The following ATP11C variants were observed in gnomAD, a reference collection of about 807,000 sequenced individuals.
ATP11C encodes ATPase phospholipid transporting 11C (ATP11C blood group).
In ATP11C, 36 loss-of-function variants were observed where a neutral mutation model predicts 97.4. The observed-to-expected ratio is 0.37, with a 90% CI of 0.28 to 0.49. ATP11C has a LOEUF of 0.49. Among genes scored for constraint, ATP11C ranks in the 20% least tolerant of loss-of-function variants. The probability of loss-of-function intolerance (pLI) is 0.98; values close to 1 mark genes in which losing one functional copy is unlikely to be tolerated. For missense variants in ATP11C, 730 were observed against 824.6 expected, an observed-to-expected ratio of 0.89 and a Z score of 1.40; for synonymous variants, 275 against 290.9, an observed-to-expected ratio of 0.95 and a Z score of 0.56.
chrX:139,896,619 G>GTCTCTCTCTC (rs202000678), intron 1 of ATP11C, among the ~76,000 whole-genome samples: 20 of 90,899 alleles, frequency 2.2e-4, no homozygotes, highest in East Asian at 3.6e-4. Context: ...TTGAGAAAGA[G>GTCTCTCTCTC]TCTCTCTCTC....
intron 1 of ATP11C, among the ~76,000 whole-genome samples, chrX:139,843,825 A>G (rs2083869123): frequency 9.3e-6 from 1 of 107,671 alleles, no homozygotes; most frequent in African/African-American, 3.7e-5. Flanking sequence ...CATATTGTAA[A>G]TACTGAAAAA....
chrX:139,858,680 T>C (rs1187266540), intron 1 of ATP11C, among the ~76,000 whole-genome samples: 1 of 112,323 alleles, frequency 8.9e-6, no homozygotes, highest in Non-Finnish European at 1.9e-5. Flanking sequence ...ACAAAAAAGA[T>C]ATTATTATCC....
At chrX:139,762,836 T>A (rs1211430218) in intron 21 of ATP11C, among the ~76,000 whole-genome samples, 1 of 111,220 alleles carries the variant, frequency 9.0e-6, no homozygotes, top group Non-Finnish European at 1.9e-5. Context: ...TGTTGTTGCA[T>A]GTCAATATAT....
At chrX:139,806,404 A>G (rs2083043460) in intron 5 of ATP11C, among the ~76,000 whole-genome samples, 1 of 111,908 alleles carries the variant, frequency 8.9e-6, no homozygotes, top group Admixed American at 9.5e-5. Flanking sequence ...ACAAATACGT[A>G]TTTTTTAGTC....
intron 1 of ATP11C, among the ~76,000 whole-genome samples, chrX:139,909,154 A>G (rs1178330416): frequency 4.5e-5 from 5 of 111,267 alleles, no homozygotes; most frequent in African/African-American, 1.6e-4. Context: ...GTTTTGAGAC[A>G]GAGTTTCACT....
At chrX:139,742,116 T>C (rs1055806237) in intron 26 of ATP11C, among the ~76,000 whole-genome samples, 2 of 111,300 alleles carry the variant, frequency 1.8e-5, no homozygotes, top group African/African-American at 6.5e-5. Context: ...TGAAGGCCAT[T>C]TGGAAGCCCT....
intron 12 of ATP11C, among the ~76,000 whole-genome samples, chrX:139,795,963 T>C (rs1351636324): frequency 1.8e-5 from 2 of 112,167 alleles, no homozygotes; most frequent in African/African-American, 3.2e-5. Flanking sequence ...CAAATGGTTA[T>C]AGATGGTGAT....
intron 12 of ATP11C, among the ~76,000 whole-genome samples, chrX:139,796,032 G>A (rs2082786697): frequency 1.8e-5 from 2 of 111,925 alleles, no homozygotes; most frequent in African/African-American, 3.2e-5. Context: ...CAGTTCCAAG[G>A]AGAATTTCAG....
chrX:139,849,362 C>T (rs183548709), intron 1 of ATP11C, among the ~76,000 whole-genome samples: 1 of 111,297 alleles, frequency 9.0e-6, no homozygotes, highest in Non-Finnish European at 1.9e-5. Flanking sequence ...TTAAAAAAAA[C>T]TCCACGATTT....
chrX:139,819,083 A>G (rs1313716547), intron 3 of ATP11C, among the ~76,000 whole-genome samples: 1 of 112,109 alleles, frequency 8.9e-6, no homozygotes, highest in Non-Finnish European at 1.9e-5. Flanking sequence ...GGATGAGCAA[A>G]AATATGATAT....
In ATP11C at chrX:139,762,114, A is replaced by C; in HGVS notation, c.2495-8T>G. ...CTTCTTTGCCTTTAATACCTAAAAG[A>C]GAGTATCTCTATATGGTGAGCATTT... On this transcript the variant is annotated splice_polypyrimidine_tract_variant and splice_region_variant and intron_variant, in intron 21 of 29. Coordinates refer to ENST00000682941, the MANE Select transcript of ATP11C (RefSeq NM_001353812.2). 8.5e-7 allele frequency: 1 copy of C among 1,181,390 alleles called. No homozygotes were observed. Among genetic ancestry groups the C allele is most frequent in the Non-Finnish European group, 1.1e-6 (1 of 874,660 alleles).
intron 1 of ATP11C, among the ~76,000 whole-genome samples, chrX:139,901,550 C>A (rs1037739013): frequency 9.0e-6 from 1 of 111,382 alleles, no homozygotes; most frequent in Non-Finnish European, 1.9e-5. Flanking sequence ...TGCTGGTAGC[C>A]CCGTGGGGAG....
intron 1 of ATP11C, among the ~76,000 whole-genome samples, chrX:139,903,691 C>T (rs1288058936): frequency 1.8e-5 from 2 of 110,066 alleles, no homozygotes; most frequent in Admixed American, 9.9e-5. Flanking sequence ...CAGAAGACAG[C>T]GTCTGCAAAC....
intron 2 of ATP11C, among the ~76,000 whole-genome samples, chrX:139,822,665 C>T (rs985633877): frequency 1.0e-4 from 11 of 110,207 alleles, no homozygotes; most frequent in African/African-American, 3.6e-4. Context: ...CTGCCCGCCT[C>T]GGCCTCCCAA....
chrX:139,814,594 GA>G (rs1450262764), intron 5 of ATP11C, among the ~76,000 whole-genome samples: 2 of 111,696 alleles, frequency 1.8e-5, no homozygotes, highest in East Asian at 5.6e-4. Flanking sequence ...CATTCTGAGT[GA>G]AAGAAGCTAG....
At chrX:139,825,721 A>G (rs900622098) in intron 2 of ATP11C, among the ~76,000 whole-genome samples, 8 of 112,547 alleles carry the variant, frequency 7.1e-5, no homozygotes, top group African/African-American at 2.6e-4. Flanking sequence ...TTTTTAAGGA[A>G]GGGCATAATT....
rs768578226 is a variant in ATP11C, at chrX:139,819,466, A to G, written c.148-39T>C. 3 of 684,498 alleles carry G rather than the reference A, an allele frequency of 4.4e-6. No homozygotes were observed. The South Asian group carries it at 1.1e-4, about 25-fold the overall frequency. 56.4% of individuals were successfully genotyped at this position (684,498 alleles called of 1,213,427 possible). Reference sequence around the variant, plus strand: ...AGAAAAAAGAACACTGTTATGAAGAAAACTTGAAAAATCTTAATAGTAATG... The same window carrying G: ...AGAAAAAAGAACACTGTTATGAAGAGAACTTGAAAAATCTTAATAGTAATG... On this transcript the variant is annotated intron_variant, in intron 2 of 29. Coordinates refer to ENST00000682941, the MANE Select transcript of ATP11C (RefSeq NM_001353812.2).
chrX:139,831,578 C>G (rs2083650870), intron 1 of ATP11C, among the ~76,000 whole-genome samples: 1 of 111,420 alleles, frequency 9.0e-6, no homozygotes, highest in Non-Finnish European at 1.9e-5. Flanking sequence ...CCCCTTCCCC[C>G]ACCATGCCCT....
intron 1 of ATP11C, among the ~76,000 whole-genome samples, chrX:139,873,465 T>A (rs1469622416): frequency 1.8e-5 from 2 of 110,686 alleles, no homozygotes; most frequent in Non-Finnish European, 3.8e-5. Context: ...CCCAGCACTT[T>A]GGGAGGCTGA....
Sources: gnomAD v4.1 joint callset for allele counts (sites outside exome capture counted in the v4.1 genomes callset) on GRCh38, gnomAD v4.1.1 for gene constraint, MANE v1.5 for transcripts, NCBI Gene and HGNC (gene_info 2026-07-23, HGNC 2026-07-21) for gene names.